Variants in ZNF227 observed in about 807,000 individuals in gnomAD.
ZNF227 encodes zinc finger protein 227.
In ZNF227, 12 loss-of-function variants were observed where a neutral mutation model predicts 13.2. The observed-to-expected ratio is 0.91, with a 90% CI of 0.58 to 1.47. The LOEUF is 1.47. ZNF227 is among the 40% of genes most tolerant of loss of function. ZNF227 has a pLI of 0.00. For missense variants in ZNF227, 885 were observed against 967.5 expected (o/e 0.91, Z 1.13); for synonymous variants, 338 against 326.0 (o/e 1.04, Z -0.40).
Position 44,236,332 on chromosome 19 carries a change from T to C in ZNF227, c.1902T>C (p.Cys634=). 6.2e-7 allele frequency: 1 copy of C among 1,613,974 alleles called. No individual in the cohort carries two copies. The highest frequency in any genetic ancestry group is 8.5e-7 in the Non-Finnish European group (1 of 1,179,960). Residue 634 remains cysteine, a synonymous_variant, in exon 6 of 6, where the codon TGT becomes TGC. Transcript: ENST00000313040. ...ATACTGGAGAGAAGCCATACAAATG[T>C]GGTGTCTGTGGTAAGGGCTTCAGTC... ...RVHTGEKPYK[C]GVCGKGFSQS... is the part of the protein sequence containing the mutation.
chr19:44,211,744 G>C (rs1341110308), upstream of ZNF227, among the ~76,000 whole-genome samples: 3 of 149,116 alleles, frequency 2.0e-5, no homozygotes, highest in African/African-American at 7.4e-5. Flanking sequence ...CATTCTTTTA[G>C]TATCTAAAGA....
intron 3 of ZNF227, among the ~76,000 whole-genome samples, chr19:44,223,612 C>T (rs1156944586): frequency 6.6e-6 from 1 of 152,096 alleles, no homozygotes; most frequent in East Asian, 1.9e-4. Flanking sequence ...GTGGTGATAT[C>T]CCATTTATCA....
intron 4 of ZNF227, 143 bp from the exon 5 acceptor site, chr19:44,229,590 C>T (rs13346807): frequency 0.017 from 6,655 of 382,154 alleles, 387 homozygotes; most frequent in African/African-American, 0.12. Flanking sequence ...TCAGCCTGGG[C>T]GATAGAGTGA....
At chr19:44,224,803 TGTCATTTTGATGTTAGCTG>T (rs1055525990) in intron 3 of ZNF227, among the ~76,000 whole-genome samples, 2 of 152,242 alleles carry the variant, frequency 1.3e-5, no homozygotes, top group African/African-American at 4.8e-5. Flanking sequence ...AATTTTGTCC[TGTCATTTTGATGTTAGCTG>T]GTTATTTTGC....
chr19:44,214,509 A>G (rs1051435851), intron 2 of ZNF227, among the ~76,000 whole-genome samples: 1 of 151,640 alleles, frequency 6.6e-6, no homozygotes, highest in Non-Finnish European at 1.5e-5. Flanking sequence ...CTCCCGAGTA[A>G]CTGGGTTACA....
chr19:44,233,507 A>G (rs1296697026), intron 5 of ZNF227, among the ~76,000 whole-genome samples: 1 of 152,186 alleles, frequency 6.6e-6, no homozygotes, highest in East Asian at 1.9e-4. Flanking sequence ...GTTACATTCT[A>G]CTGGGTCTAA....
chr19:44,235,338 G>A lies in ZNF227; in HGVS notation c.908G>A (p.Gly303Asp). The A allele has an allele frequency of 6.2e-7, 1 of 1,614,208 alleles. No individual in the cohort carries two copies. Among genetic ancestry groups the A allele is most frequent in the Non-Finnish European group, 8.5e-7 (1 of 1,180,044 alleles). Residue 303 changes from glycine (G) to aspartate (D), a missense_variant, in exon 6 of 6, where the codon GGT becomes GAT. Physicochemically the swap from Gly to Asp is moderately conservative, Grantham distance 94. Transcript: ENST00000313040. ...AAACTCAATAGATGTCATGAATCTG[G>A]TGATTGCTTCAATAAGAGCTCTTTT... Reference protein sequence around the residue: ...GEKLNRCHESGDCFNKSSFHS... With the variant: ...GEKLNRCHESDDCFNKSSFHS...
chr19:44,223,695 T>C (rs1418382049), intron 3 of ZNF227, among the ~76,000 whole-genome samples: 1 of 152,190 alleles, frequency 6.6e-6, no homozygotes, highest in Admixed American at 6.5e-5. Flanking sequence ...ATCAATTTTG[T>C]TGATCTTTTC....
chr19:44,230,761 C>T (rs1294769804), intron 5 of ZNF227, among the ~76,000 whole-genome samples: 1 of 151,362 alleles, frequency 6.6e-6, no homozygotes, highest in East Asian at 1.9e-4. Context: ...GCATATTCCT[C>T]AGGTCTATTG....
chr19:44,229,180 G>GAGAT (rs1315267547), intron 4 of ZNF227: 3 of 152,452 alleles, frequency 2.0e-5, no homozygotes, highest in African/African-American at 7.2e-5. Context: ...TGAATGGTGT[G>GAGAT]AGATACAGCA....
intron 4 of ZNF227, 33 bp from the exon 5 acceptor site, chr19:44,229,700 A>G: frequency 6.7e-7 from 1 of 1,494,938 alleles, no homozygotes; most frequent in Non-Finnish European, 9.1e-7. Context: ...TTGTGTGTTC[A>G]TCTTAAATAC....
Position 44,222,240 on chromosome 19 carries a change from A to G in ZNF227, c.60+4388A>G, listed in dbSNP as rs1336620988. Among the ~76,000 whole-genome samples, 3 of 152,150 alleles carry G rather than the reference A, an allele frequency of 2.0e-5. No homozygotes were observed. In the East Asian group the frequency reaches 5.8e-4, roughly 29 times the overall value. ...CTTTTGGCCTAGGATTGACTTGGCG[A>G]TGTGGGCTCTTTTTTGGTTCCATAT... is the stretch of plus-strand genomic sequence containing the variant. On this transcript the variant is annotated intron_variant, in intron 3 of 5. Coordinates refer to ENST00000313040, the MANE Select transcript of ZNF227 (RefSeq NM_182490.3).
chr19:44,228,382 A>G, intron 3 of ZNF227, 64 bp from the exon 4 acceptor site: 1 of 1,555,896 alleles, frequency 6.4e-7, no homozygotes, highest in South Asian at 1.2e-5. Flanking sequence ...TTCCTTCTTG[A>G]TGCCACCCTT....
At chr19:44,210,659 A>G (rs577254859), upstream of ZNF227, among the ~76,000 whole-genome samples, 14 of 152,342 alleles carry the variant, frequency 9.2e-5, no homozygotes, top group East Asian at 1.5e-3. Flanking sequence ...GGCTTTTTGT[A>G]GGAGTACAAG....
chr19:44,227,958 G>C (rs959453321), intron 3 of ZNF227, among the ~76,000 whole-genome samples: 1 of 152,208 alleles, frequency 6.6e-6, no homozygotes, highest in African/African-American at 2.4e-5. Context: ...GCCAGGCTCA[G>C]TGGCTCACAC....
At chr19:44,214,933 T>A (rs186898148) in intron 2 of ZNF227, among the ~76,000 whole-genome samples, 4 of 152,012 alleles carry the variant, frequency 2.6e-5, no homozygotes, top group African/African-American at 9.7e-5. Flanking sequence ...CTCTGCCTCC[T>A]GCCAGATCAG....
In ZNF227 at chr19:44,235,442, G is replaced by C. The variant is rs775983517; in HGVS notation, c.1012G>C (p.Gly338Arg). 1.9e-6 allele frequency: 3 copies of C among 1,613,968 alleles called. No individual in the cohort carries two copies. The highest frequency in any genetic ancestry group is 2.5e-6 in the Non-Finnish European group (3 of 1,180,012). ...CGGCAAGGGATTCAGTAGCAGCACGGGTCTTATCATTCATTACAGAACTCA... is the reference window on the plus strand; with the variant it reads ...CGGCAAGGGATTCAGTAGCAGCACGCGTCTTATCATTCATTACAGAACTCA... The part of the protein sequence containing the change: ...SCGKGFSSST[G>R]LIIHYRTHTG... Residue 338 changes from glycine (G) to arginine (R), a missense_variant, in exon 6 of 6, where the codon GGT (glycine) becomes CGT (arginine). Gly to Arg is a moderately radical substitution (Grantham distance 125, BLOSUM62 -2). Coordinates refer to ENST00000313040, the MANE Select transcript of ZNF227 (RefSeq NM_182490.3).
upstream of ZNF227, among the ~76,000 whole-genome samples, chr19:44,208,505 AAACCT>A (rs1971261877): frequency 6.6e-6 from 1 of 152,218 alleles, no homozygotes; most frequent in African/African-American, 2.4e-5. Context: ...TCTAGGTTGT[AAACCT>A]GGCTAGAGGC....
In ZNF227 at chr19:44,228,556, G is replaced by A. The variant is rs1433662746; in HGVS notation, c.171G>A (p.Lys57=). 2 of 1,612,772 alleles carry A rather than the reference G, an allele frequency of 1.2e-6. No individual in the cohort carries two copies. Among genetic ancestry groups the A allele is most frequent in the Admixed American group, 3.4e-5 (2 of 59,572 alleles). ...GAGATGTCATGGTGGAGAACTTCAA[G>A]AACCTGGTTGCAGTGGGTGAGGACA... ...LYRDVMVENF[K]NLVAVGHLPF... Residue 57 remains lysine (K), a synonymous_variant, in exon 4 of 6, where the codon AAG becomes AAA. Transcript: ENST00000313040.
Sources: allele counts gnomAD v4.1 joint callset (sites outside exome capture counted in the v4.1 genomes callset), GRCh38; gene constraint gnomAD v4.1.1; transcripts MANE v1.5; gene names NCBI Gene and HGNC (gene_info 2026-07-23, HGNC 2026-07-21).